The following CBFA2T3 variants were observed in gnomAD, a reference collection of about 807,000 sequenced individuals.
CBFA2T3 encodes the protein transcriptional corepressor CBFA2T3.
In CBFA2T3, 31 loss-of-function variants were observed where a neutral mutation model predicts 58.6. That is an observed-to-expected ratio of 0.53 (90% CI 0.40 to 0.71). The LOEUF (loss-of-function observed/expected upper bound fraction) is 0.71. CBFA2T3 is among the 30% of genes least tolerant of loss of function. CBFA2T3 has a pLI of 0.00. For synonymous variants in CBFA2T3, 531 were observed against 421.9 expected (o/e 1.26, Z -3.17); for missense variants, 1,076 against 963.1 (o/e 1.12, Z -1.55).
chr16:88,934,420 C>T (rs928690593), intron 1 of CBFA2T3, among the ~76,000 whole-genome samples: 39 of 152,352 alleles, frequency 2.6e-4, no homozygotes, highest in Non-Finnish European at 4.1e-4. Flanking sequence ...AGGAGCAGCT[C>T]GGCCGCAGAG....
In CBFA2T3 at chr16:88,917,646, C is replaced by T. The variant is rs3887734; in HGVS notation, c.152-15990G>A. Reference sequence around the variant, plus strand: ...CGGCTGCCAAGTTTAAAGTCAGCCACTGCCGGTGTGGACGCTAAGGAATAA... The same window carrying T: ...CGGCTGCCAAGTTTAAAGTCAGCCATTGCCGGTGTGGACGCTAAGGAATAA... On this transcript the variant is annotated intron_variant, in intron 1 of 11. Transcript: ENST00000268679. 9.6e-3 allele frequency among the ~76,000 whole-genome samples: 1,465 copies of T among 152,336 alleles called. 7 individuals are homozygous for T. The highest frequency in any genetic ancestry group is 0.02 in the East Asian group (104 of 5,188).
chr16:88,897,931 G>A lies in CBFA2T3; in HGVS notation c.379+147C>T, dbSNP rs575260472. On this transcript the variant is annotated intron_variant, in intron 3 of 11. Transcript: ENST00000268679. ...TCCTGCGCCCTCTTCTCCCTAAGGA[G>A]GCAAGACCAACACAACAGAGGCAAT... 6.1e-6 allele frequency: 4 copies of A among 659,292 alleles called. No individual in the cohort carries two copies. The African/African-American group carries it at 7.2e-5, about 12-fold the overall frequency. 40.8% of individuals were successfully genotyped at this position (659,292 alleles called of 1,614,324 possible). A position where few individuals can be genotyped will look rare whatever the true frequency, so the allele number is the denominator to read the frequency against.
chr16:88,898,824 A>G (rs1476239576), intron 2 of CBFA2T3, among the ~76,000 whole-genome samples: 1 of 152,188 alleles, frequency 6.6e-6, no homozygotes, highest in Non-Finnish European at 1.5e-5. Flanking sequence ...GGAGTTCAAG[A>G]CCAGCCTGGG....
chr16:88,903,248 G>A (rs961244230), intron 1 of CBFA2T3, among the ~76,000 whole-genome samples: 4 of 152,324 alleles, frequency 2.6e-5, no homozygotes, highest in African/African-American at 7.2e-5. Flanking sequence ...TCCTCTTGCC[G>A]CCGGCTCCTT....
rs2911444 is a variant in CBFA2T3, at chr16:88,932,746, G to A, written c.152-31090C>T. 4.5e-3 allele frequency among the ~76,000 whole-genome samples: 589 copies of A among 129,504 alleles called. 8 individuals are homozygous for A. The highest frequency in any genetic ancestry group is 0.016 in the African/African-American group (546 of 34,608). 85.0% of individuals were successfully genotyped at this position (129,504 alleles called of 152,430 possible). A position where few individuals can be genotyped will look rare whatever the true frequency, so the allele number is the denominator to read the frequency against. On this transcript the variant is annotated intron_variant, in intron 1 of 11. Coordinates refer to ENST00000268679, the MANE Select transcript of CBFA2T3 (RefSeq NM_005187.6). ...GTGGATCACCTGAGGTCAGGAGTTC[G>A]AGACCAGCCTGGCCAACATGGCAAA...
rs1156923088 is a variant in CBFA2T3 at position 88,885,353 on chromosome 16, G to A, written c.894-84C>T. 1.4e-5 allele frequency: 13 copies of A among 912,834 alleles called. No individual in the cohort carries two copies. Among genetic ancestry groups the A allele is most frequent in the African/African-American group, 3.4e-5 (2 of 58,662 alleles). 56.5% of individuals were successfully genotyped at this position (912,834 alleles called of 1,614,324 possible). ...GTGCAGGTGGGGTGAGAGGCAGACAGGCAAGGGCAGAGAGAAAGAGGACAC... is the reference window on the plus strand; with the variant it reads ...GTGCAGGTGGGGTGAGAGGCAGACAAGCAAGGGCAGAGAGAAAGAGGACAC... On this transcript the variant is annotated intron_variant, in intron 6 of 11. Transcript: ENST00000268679. This position sits in a 1 kb window ranked among gnomAD's most constrained non-coding sequence, Gnocchi z 5.3.
chr16:88,894,606 T>G (rs948108508), intron 3 of CBFA2T3, among the ~76,000 whole-genome samples: 22 of 142,112 alleles, frequency 1.5e-4, no homozygotes, highest in Non-Finnish European at 3.1e-4. Flanking sequence ...GCACACAATG[T>G]ACACACATGC....
chr16:88,906,432 C>T (rs879260944), intron 1 of CBFA2T3, among the ~76,000 whole-genome samples: 8 of 152,300 alleles, frequency 5.3e-5, no homozygotes, highest in Non-Finnish European at 8.8e-5. Context: ...TGACCCTGCT[C>T]CCCGCTCCAG....
Position 88,958,365 on chromosome 16 carries a change from C to T in CBFA2T3, c.151+18292G>A, listed in dbSNP as rs573602563. On this transcript the variant is annotated intron_variant, in intron 1 of 11. Transcript: ENST00000268679. The surrounding 1 kb of genome is among the most constrained non-coding windows in gnomAD (Gnocchi z 4.0). Reference sequence around the variant, plus strand: ...GAAGTTGAGGTTGATGTGGTCACCTCGAATGGGGAACTCCTCCAGGAAGGA... The same window carrying T: ...GAAGTTGAGGTTGATGTGGTCACCTTGAATGGGGAACTCCTCCAGGAAGGA... 2.5e-4 allele frequency among the ~76,000 whole-genome samples: 38 copies of T among 151,158 alleles called. No individual in the cohort carries two copies. Among genetic ancestry groups the T allele is most frequent in the African/African-American group, 8.8e-4 (36 of 41,024 alleles).
intron 1 of CBFA2T3, among the ~76,000 whole-genome samples, chr16:88,931,484 G>A (rs1971298051): frequency 6.6e-6 from 1 of 152,006 alleles, no homozygotes; most frequent in African/African-American, 2.4e-5. Context: ...CTCGGCAGAA[G>A]CCCCTTCATG....
Position 88,926,760 on chromosome 16 carries a change from G to A in CBFA2T3, c.152-25104C>T, listed in dbSNP as rs192214044. ...GACGGGACGGAGGTGTTCACAGTGG[G>A]GGTTGCTGGGAATTCCTCCTCTGGA... On this transcript the variant is annotated intron_variant, in intron 1 of 11. Coordinates refer to ENST00000268679, the MANE Select transcript of CBFA2T3 (RefSeq NM_005187.6). Among the ~76,000 whole-genome samples, 786 of 152,320 alleles carry A rather than the reference G, an allele frequency of 5.2e-3. 7 individuals carry two copies. The highest frequency in any genetic ancestry group is 0.018 in the African/African-American group (741 of 41,556).
At chr16:88,921,049 C>T (rs1448895781) in intron 1 of CBFA2T3, among the ~76,000 whole-genome samples, 1 of 152,250 alleles carries the variant, frequency 6.6e-6, no homozygotes, top group Non-Finnish European at 1.5e-5. Context: ...GGCGGAACCT[C>T]CCTGCTCCGC....
intron 1 of CBFA2T3, among the ~76,000 whole-genome samples, chr16:88,951,724 A>G (rs1366574018): frequency 6.6e-6 from 1 of 152,180 alleles, no homozygotes; most frequent in Non-Finnish European, 1.5e-5. Context: ...CACGCGGCCA[A>G]TCACAATCCT....
At chr16:88,905,331 G>A (rs192501779) in intron 1 of CBFA2T3, among the ~76,000 whole-genome samples, 9 of 152,094 alleles carry the variant, frequency 5.9e-5, no homozygotes, top group Non-Finnish European at 8.8e-5. Context: ...GGCCATGCAC[G>A]ACCCCCCACC....
At chr16:88,921,359 C>A (rs1459977024) in intron 1 of CBFA2T3, among the ~76,000 whole-genome samples, 1 of 152,208 alleles carries the variant, frequency 6.6e-6, no homozygotes, top group African/African-American at 2.4e-5. Flanking sequence ...GAAGCCGAGC[C>A]GATCCTCCGT....
At chr16:88,933,818 G>A (rs927686171) in intron 1 of CBFA2T3, among the ~76,000 whole-genome samples, 8 of 152,048 alleles carry the variant, frequency 5.3e-5, no homozygotes, top group Non-Finnish European at 7.4e-5. Context: ...CATGCCACGC[G>A]TATGTGACTT....
At chr16:88,952,003 C>CCTTG (rs1972086114) in intron 1 of CBFA2T3, among the ~76,000 whole-genome samples, 1 of 152,182 alleles carries the variant, frequency 6.6e-6, no homozygotes, top group Non-Finnish European at 1.5e-5. Context: ...TGGCACAGAC[C>CCTTG]CTTGGCCCAG....
At chr16:88,912,219 A>G (rs983576767) in intron 1 of CBFA2T3, among the ~76,000 whole-genome samples, 1 of 152,224 alleles carries the variant, frequency 6.6e-6, no homozygotes, top group Non-Finnish European at 1.5e-5. Flanking sequence ...GAGAGAAGAA[A>G]GCCTCCCTCA....
At chr16:88,952,137 C>T (rs754026203) in intron 1 of CBFA2T3, among the ~76,000 whole-genome samples, 4 of 152,202 alleles carry the variant, frequency 2.6e-5, no homozygotes, top group Admixed American at 6.5e-5. Flanking sequence ...GGAACAGGCT[C>T]GCTACTATGC....
Sources: allele counts gnomAD v4.1 joint callset (sites outside exome capture counted in the v4.1 genomes callset), GRCh38; gene constraint gnomAD v4.1.1; non-coding constraint Gnocchi (gnomAD v3.1); transcripts MANE v1.5; gene names NCBI Gene and HGNC (gene_info 2026-07-23, HGNC 2026-07-21).